TCF7L1: variants seen among roughly 807,000 people sequenced by gnomAD.
TCF7L1 encodes the protein transcription factor 7-like 1.
Under a neutral mutation model 63.7 loss-of-function variants are expected in TCF7L1, and 18 were observed. The observed-to-expected ratio is 0.28, with a 90% CI of 0.20 to 0.42. TCF7L1 has a LOEUF of 0.42. TCF7L1 is among the 10% of genes least tolerant of loss of function. TCF7L1 has a pLI of 1.00. For missense variants in TCF7L1, 654 were observed against 779.3 expected (o/e 0.84, Z 1.91); for synonymous variants, 355 against 340.9 (o/e 1.04, Z -0.46).
At chr2:85,140,006 G>A (rs1677685695) in intron 3 of TCF7L1, among the ~76,000 whole-genome samples, 1 of 152,184 alleles carries the variant, frequency 6.6e-6, no homozygotes, top group South Asian at 2.1e-4. Flanking sequence ...AGTCAGGGGT[G>A]AGGTGAAAAG....
chr2:85,280,060 C>G (rs1055544775), intron 3 of TCF7L1, among the ~76,000 whole-genome samples: 1 of 152,120 alleles, frequency 6.6e-6, no homozygotes, highest in South Asian at 2.1e-4. Flanking sequence ...GTACCTGTAC[C>G]TTGATATCCC....
At chr2:85,222,201 C>A (rs182893721) in intron 3 of TCF7L1, among the ~76,000 whole-genome samples, 1 of 151,944 alleles carries the variant, frequency 6.6e-6, no homozygotes, top group Non-Finnish European at 1.5e-5. Context: ...ATTAAGCGGG[C>A]GTGGTGGCGC....
At chr2:85,302,694 A>T (rs2104387548) in intron 5 of TCF7L1, 78 bp downstream of exon 5, 4 of 1,530,988 alleles carry the variant, frequency 2.6e-6, no homozygotes, top group East Asian at 4.5e-5. Context: ...CAGCCCTTGA[A>T]TCAGGCTGAC....
intron 3 of TCF7L1, among the ~76,000 whole-genome samples, chr2:85,219,070 T>C (rs1169286817): frequency 6.6e-6 from 1 of 152,044 alleles, no homozygotes; most frequent in Non-Finnish European, 1.5e-5. Context: ...AGAGGATGGC[T>C]TGAGCCCAGA....
intron 3 of TCF7L1, among the ~76,000 whole-genome samples, chr2:85,230,505 T>C (rs865838450): frequency 3.3e-5 from 5 of 152,120 alleles, no homozygotes; most frequent in Non-Finnish European, 7.4e-5. Flanking sequence ...AGCTAATTTC[T>C]TGAATTTTTA....
At chr2:85,216,360 C>G (rs950042025) in intron 3 of TCF7L1, among the ~76,000 whole-genome samples, 2 of 151,966 alleles carry the variant, frequency 1.3e-5, no homozygotes, top group African/African-American at 4.8e-5. Context: ...TGCAATTTGC[C>G]CGTTTCCGCT....
chr2:85,230,950 T>C (rs897363321), intron 3 of TCF7L1, among the ~76,000 whole-genome samples: 1 of 152,174 alleles, frequency 6.6e-6, no homozygotes, highest in Non-Finnish European at 1.5e-5. Context: ...CAAAACTTAG[T>C]CTAAGTTTGG....
At chr2:85,275,230 C>T (rs372965644) in intron 3 of TCF7L1, among the ~76,000 whole-genome samples, 10 of 152,268 alleles carry the variant, frequency 6.6e-5, no homozygotes, top group East Asian at 5.8e-4. Context: ...AAAGATGAGA[C>T]GATGGAGTCC....
rs931106168 is a variant in TCF7L1, at chr2:85,186,956, G to T, written c.441+52506G>T. 3.3e-5 allele frequency among the ~76,000 whole-genome samples: 5 copies of T among 152,172 alleles called. No homozygotes were observed. The South Asian group carries it at 1.0e-3, about 32-fold the overall frequency. ...ACTCCTTTTCTTTGCATGTGAGTTG[G>T]TGGATACCATGTATAAATGTCTGCA... On this transcript the variant is annotated intron_variant, in intron 3 of 11. Coordinates refer to ENST00000282111, the MANE Select transcript of TCF7L1 (RefSeq NM_031283.3).
At chr2:85,285,714 C>A (rs1014107203) in intron 4 of TCF7L1, among the ~76,000 whole-genome samples, 1 of 152,144 alleles carries the variant, frequency 6.6e-6, no homozygotes, top group African/African-American at 2.4e-5. Context: ...AGACCTGGCT[C>A]GTGCCCTGCA....
At chr2:85,278,063 A>G (rs1681319319) in intron 3 of TCF7L1, among the ~76,000 whole-genome samples, 2 of 152,180 alleles carry the variant, frequency 1.3e-5, no homozygotes, top group Admixed American at 6.5e-5. Flanking sequence ...TGTGTTGGGG[A>G]AATTCCAGGG....
intron 3 of TCF7L1, among the ~76,000 whole-genome samples, chr2:85,258,270 C>T (rs1172708077): frequency 6.6e-6 from 1 of 152,158 alleles, no homozygotes; most frequent in African/African-American, 2.4e-5. Context: ...GGGCCCTGCT[C>T]TGACCACCCT....
chr2:85,183,869 C>G (rs1347148857), intron 3 of TCF7L1, among the ~76,000 whole-genome samples: 1 of 152,160 alleles, frequency 6.6e-6, no homozygotes, highest in Non-Finnish European at 1.5e-5. Flanking sequence ...AGGCTTAGTT[C>G]TAGGAGCTGC....
Position 85,207,876 on chromosome 2 carries a change from T to C in TCF7L1, c.441+73426T>C, listed in dbSNP as rs1394478756. 2.6e-5 allele frequency among the ~76,000 whole-genome samples: 4 copies of C among 152,162 alleles called. No individual in the cohort carries two copies. The East Asian group carries it at 7.7e-4, about 29-fold the overall frequency. On this transcript the variant is annotated intron_variant, in intron 3 of 11. Transcript: ENST00000282111. ...AGTGTAAGGTAGGCTAGGCTAAGCATTGATGTTCAGTAGATTACGTCTATT... is the reference window on the plus strand; with the variant it reads ...AGTGTAAGGTAGGCTAGGCTAAGCACTGATGTTCAGTAGATTACGTCTATT...
chr2:85,177,480 G>A (rs1465474333), intron 3 of TCF7L1, among the ~76,000 whole-genome samples: 1 of 152,234 alleles, frequency 6.6e-6, no homozygotes, highest in African/African-American at 2.4e-5. Flanking sequence ...CGAGGAAGAA[G>A]GATCACTTGA....
Position 85,133,816 on chromosome 2 carries a change from G to A in TCF7L1, c.132G>A (p.Glu44=). The A allele has an allele frequency of 6.8e-7, 1 of 1,471,180 alleles. No homozygotes were observed. The highest frequency in any genetic ancestry group is 1.5e-5 in the African/African-American group (1 of 68,502). 91.1% of individuals were successfully genotyped at this position (1,471,180 alleles called of 1,614,324 possible). A position where few individuals can be genotyped will look rare whatever the true frequency, so the allele number is the denominator to read the frequency against. ...ACGAGCTGATCCCCTTCCAGGACGA[G>A]GGGGGCGAGGAGCAGGAGCCGAGCA... ...ANDELIPFQD[E]GGEEQEPSSD... The change falls in exon 1 of 12, where the codon GAG becomes GAA. Residue 44 remains glutamate (E), a synonymous_variant. Coordinates refer to ENST00000282111, the MANE Select transcript of TCF7L1 (RefSeq NM_031283.3). The surrounding 1 kb of genome is among the most constrained non-coding windows in gnomAD (Gnocchi z 4.4).
chr2:85,294,279 G>C (rs1370928351), intron 4 of TCF7L1, among the ~76,000 whole-genome samples: 1 of 152,018 alleles, frequency 6.6e-6, no homozygotes, highest in Non-Finnish European at 1.5e-5. Flanking sequence ...CTTGTGACGT[G>C]CCCGCCTCGG....
chr2:85,232,189 A>G (rs1228851870), intron 3 of TCF7L1, among the ~76,000 whole-genome samples: 1 of 151,986 alleles, frequency 6.6e-6, no homozygotes, highest in Non-Finnish European at 1.5e-5. Context: ...CGTGCAATCC[A>G]TTCTCGCCTT....
intron 4 of TCF7L1, among the ~76,000 whole-genome samples, chr2:85,285,492 G>A (rs1341282062): frequency 1.3e-5 from 2 of 152,074 alleles, no homozygotes; most frequent in Non-Finnish European, 2.9e-5. Flanking sequence ...CCGTGAGTGC[G>A]GGACCAGCCA....
Sources: gnomAD v4.1 joint callset for allele counts (sites outside exome capture counted in the v4.1 genomes callset) on GRCh38, gnomAD v4.1.1 for gene constraint, Gnocchi (gnomAD v3.1) non-coding constraint, MANE v1.5 for transcripts, NCBI Gene and HGNC (gene_info 2026-07-23, HGNC 2026-07-21) for gene names.